Variants in ZNF664 observed in about 807,000 individuals in gnomAD.
The protein encoded by ZNF664 is zinc finger protein 664.
ZNF664 carries 10 observed loss-of-function variants against 18.2 expected under a neutral mutation model. The ratio of observed to expected loss-of-function variants is 0.55; its 90% confidence interval spans 0.34 to 0.93. ZNF664 has a LOEUF of 0.93. Ranked by LOEUF, ZNF664 falls within the 40% of genes least tolerant of loss-of-function variation. ZNF664 has a pLI of 0.02. For missense variants in ZNF664, 193 were observed against 319.0 expected, an observed-to-expected ratio of 0.61 and a Z score of 3.01; for synonymous variants, 119 against 104.2, an observed-to-expected ratio of 1.14 and a Z score of -0.86.
chr12:123,974,170 T>C (rs1251925079), intron 2 of ZNF664, 150 bp downstream of exon 2: 4 of 483,924 alleles, frequency 8.3e-6, no homozygotes, highest in African/African-American at 2.0e-5. Flanking sequence ...CCCGTCCGGA[T>C]CCATCTCTCC....
Position 124,013,197 on chromosome 12 carries a change from C to G in ZNF664, c.*267C>G, listed in dbSNP as rs1035015442. ...TTCCTGGGATTCCAGCACGATGCCT[C>G]CATAGTTGAAAGACTACACAAAAAG... is the stretch of plus-strand genomic sequence containing the variant. On this transcript the variant is annotated 3_prime_UTR_variant, in exon 5 of 5. Transcript: ENST00000337815. The G allele has an allele frequency of 3.8e-5, 19 of 496,460 alleles. No individual in the cohort carries two copies. The highest frequency in any genetic ancestry group is 3.7e-4 in the African/African-American group (19 of 51,204). 30.8% of individuals were successfully genotyped at this position (496,460 alleles called of 1,614,324 possible).
intron 3 of ZNF664, among the ~76,000 whole-genome samples, chr12:124,005,483 ATGTGTGTG>A (rs202223166): frequency 1.1e-3 from 159 of 142,920 alleles, no homozygotes; most frequent in African/African-American, 2.8e-3. Flanking sequence ...AATTTATAGA[ATGTGTGTG>A]TGTGTGTGTG....
In ZNF664 at chr12:124,008,565, G is replaced by A. The variant is rs562596192; in HGVS notation, c.-660-2816G>A. 1.2e-4 allele frequency among the ~76,000 whole-genome samples: 18 copies of A among 152,296 alleles called. No homozygotes were observed. The East Asian group carries it at 3.3e-3, about 28-fold the overall frequency. On this transcript the variant is annotated intron_variant, in intron 3 of 4. Coordinates refer to ENST00000337815, the MANE Select transcript of ZNF664 (RefSeq NM_152437.3). The stretch of plus-strand genomic sequence containing the variant: ...TCTTTGTCTTGAAAGAGAGTTCATA[G>A]AGGAAATAGGATAGATGCTTCTCTC...
intron 2 of ZNF664, among the ~76,000 whole-genome samples, chr12:123,980,546 A>G (rs144132701): frequency 6.6e-6 from 1 of 152,338 alleles, no homozygotes; most frequent in African/African-American, 2.4e-5. Context: ...AGTTTGCAGA[A>G]TGGTTATGAT....
intron 3 of ZNF664, among the ~76,000 whole-genome samples, chr12:124,005,469 T>C (rs946848885): frequency 2.7e-5 from 4 of 147,856 alleles, no homozygotes; most frequent in African/African-American, 5.1e-5. Flanking sequence ...TTTGACTGGA[T>C]GATAATTTAT....
chr12:124,006,903 A>AG (rs1957079357), intron 3 of ZNF664, among the ~76,000 whole-genome samples: 1 of 152,102 alleles, frequency 6.6e-6, no homozygotes, highest in Admixed American at 6.5e-5. Flanking sequence ...TTGAGACATA[A>AG]GGGGGAGTCT....
chr12:123,977,462 C>CAAA (rs58043898), intron 2 of ZNF664, among the ~76,000 whole-genome samples: 1,981 of 94,088 alleles, frequency 0.021, 51 homozygotes, highest in African/African-American at 0.064. Flanking sequence ...CTAAAATGGC[C>CAAA]AAAAAAAAAA....
intron 2 of ZNF664, among the ~76,000 whole-genome samples, chr12:123,976,062 A>G (rs1236619769): frequency 6.6e-6 from 1 of 152,114 alleles, no homozygotes; most frequent in African/African-American, 2.4e-5. Flanking sequence ...TCTTTCTTTC[A>G]GATATATATG....
At chr12:123,974,238 G>T (rs1379716865) in intron 2 of ZNF664, 10 of 396,050 alleles carry the variant, frequency 2.5e-5, no homozygotes, top group South Asian at 2.8e-4. Flanking sequence ...CTTTCTTGCC[G>T]AACTCTAACA....
Position 124,012,919 on chromosome 12 carries a change from T to A in ZNF664, c.775T>A (p.Ser259Thr), listed in dbSNP as rs763567563. Residue 259 changes from serine to threonine, a missense_variant, in exon 5 of 5, where the codon TCA (serine) becomes ACA (threonine). This residue lies in a region of ZNF664 where 42 missense variants were observed against 46.4 expected (regional missense o/e 0.91). Transcript: ENST00000337815. ...AAAGGAGAGAAACCATCTCAAAATA[T>A]CAGTTATATAAAACGTTTTGCTAAG... ...HTKERNHLKI[S>T]VI 3.8e-5 allele frequency: 61 copies of A among 1,613,128 alleles called. No homozygotes were observed. Among genetic ancestry groups the A allele is most frequent in the Non-Finnish European group, 5.1e-5 (60 of 1,179,812 alleles).
intron 2 of ZNF664, among the ~76,000 whole-genome samples, chr12:123,979,647 A>G (rs1340355604): frequency 1.3e-5 from 2 of 152,180 alleles, no homozygotes; most frequent in African/African-American, 4.8e-5. Flanking sequence ...ATACTGTGGA[A>G]TATCAAGTAG....
At chr12:124,006,925 T>G (rs954513062) in intron 3 of ZNF664, among the ~76,000 whole-genome samples, 1 of 152,146 alleles carries the variant, frequency 6.6e-6, no homozygotes. Context: ...GAGTGAGAGA[T>G]AGCCTTGGGA....
At chr12:124,002,274 G>A (rs947974152) in intron 3 of ZNF664, among the ~76,000 whole-genome samples, 2 of 152,196 alleles carry the variant, frequency 1.3e-5, no homozygotes, top group African/African-American at 4.8e-5. Flanking sequence ...AGGAGATGAG[G>A]GAGGCTGGTG....
chr12:123,979,221 A>C (rs1344477477), intron 2 of ZNF664, among the ~76,000 whole-genome samples: 2 of 152,254 alleles, frequency 1.3e-5, no homozygotes, highest in Non-Finnish European at 2.9e-5. Context: ...AACCTGTAGC[A>C]TGTATAAAGA....
chr12:123,977,474 A>C (rs1361412901), intron 2 of ZNF664, among the ~76,000 whole-genome samples: 1 of 151,714 alleles, frequency 6.6e-6, no homozygotes, highest in Non-Finnish European at 1.5e-5. Context: ...AAAAAAAAAA[A>C]AAAAAACCCT....
chr12:123,999,927 G>T (rs1349477198), intron 3 of ZNF664, among the ~76,000 whole-genome samples: 1 of 152,220 alleles, frequency 6.6e-6, no homozygotes, highest in Non-Finnish European at 1.5e-5. Context: ...CATTCCTGAG[G>T]CTTGGAAGAC....
At chr12:123,992,374 A>T (rs1323762789) in intron 3 of ZNF664, among the ~76,000 whole-genome samples, 1 of 152,100 alleles carries the variant, frequency 6.6e-6, no homozygotes, top group Non-Finnish European at 1.5e-5. Flanking sequence ...GTGATGTAAA[A>T]TCCTCTCTTT....
At chr12:123,984,682 C>T (rs894650383) in intron 2 of ZNF664, among the ~76,000 whole-genome samples, 35 of 151,810 alleles carry the variant, frequency 2.3e-4, no homozygotes, top group Non-Finnish European at 4.1e-4. Context: ...AAGAAGTTGC[C>T]TTTTATAGGG....
At chr12:123,981,865 T>G (rs1273390548) in intron 2 of ZNF664, among the ~76,000 whole-genome samples, 2 of 152,356 alleles carry the variant, frequency 1.3e-5, no homozygotes, top group Non-Finnish European at 2.9e-5. Context: ...AAATTTTTCT[T>G]GCAATATAGT....
Sources: gnomAD v4.1 joint callset for allele counts (sites outside exome capture counted in the v4.1 genomes callset) on GRCh38, gnomAD v4.1.1 for gene constraint, gnomAD v4.1.1 regional missense constraint, MANE v1.5 for transcripts, NCBI Gene and HGNC (gene_info 2026-07-23, HGNC 2026-07-21) for gene names.